Variants in KDM4B observed in about 807,000 individuals in gnomAD.
KDM4B encodes the protein lysine demethylase 4B, also known as lysine-specific demethylase 4B.
A neutral mutation model predicts 125.2 loss-of-function variants in KDM4B; 32 were observed. The observed-to-expected ratio is 0.26, with a 90% CI of 0.19 to 0.34. The LOEUF is 0.34. Among genes scored for constraint, KDM4B ranks in the 10% least tolerant of loss-of-function variants. The pLI is 1.00. For synonymous variants in KDM4B, 721 were observed against 677.9 expected, an observed-to-expected ratio of 1.06 and a Z score of -0.99; for missense variants, 1,190 against 1,577.7, an observed-to-expected ratio of 0.75 and a Z score of 4.16.
At position 4,994,487 on chromosome 19, in the gene KDM4B, C is replaced by T. The variant is rs142129780; in HGVS notation, c.-108-21770C>T. Among the ~76,000 whole-genome samples the T allele has an allele frequency of 6.4e-3, 911 of 141,564 alleles. 9 individuals carry two copies. The highest frequency in any genetic ancestry group is 0.023 in the African/African-American group (875 of 37,904). The allele number at this position is 141,564 out of a possible 152,430, so 92.9% of individuals were successfully genotyped here. A position where few individuals can be genotyped will look rare whatever the true frequency, so the allele number is the denominator to read the frequency against. ...CTGAGGCAGGAGAATCGCTTGAACCCGGGAGGTGGAGATTGCAGTGAGCCA... is the reference window on the plus strand; with the variant it reads ...CTGAGGCAGGAGAATCGCTTGAACCTGGGAGGTGGAGATTGCAGTGAGCCA... On this transcript the variant is annotated intron_variant, in intron 1 of 22. Transcript: ENST00000159111.
Position 5,029,928 on chromosome 19 carries a change from G to T in KDM4B, c.-25-2938G>T, listed in dbSNP as rs553131448. On this transcript the variant is annotated intron_variant, in intron 2 of 22. Coordinates refer to ENST00000159111, the MANE Select transcript of KDM4B (RefSeq NM_015015.3). ...TGCTGAGAGTGGCTCCCGGTGTCAC[G>T]GCTCCACCTTCCAGATGGAAGGGCT... 5.3e-5 allele frequency among the ~76,000 whole-genome samples: 8 copies of T among 152,316 alleles called. No homozygotes were observed. The South Asian group carries it at 1.7e-3, about 32-fold the overall frequency.
intron 9 of KDM4B, among the ~76,000 whole-genome samples, chr19:5,110,406 AG>A (rs143677566): frequency 0.03 from 4,579 of 152,266 alleles, 235 homozygotes; most frequent in African/African-American, 0.1. Context: ...TGAGAGGTCG[AG>A]GCTACAATGA....
intron 7 of KDM4B, 51 bp downstream of exon 7, chr19:5,071,110 C>T: frequency 6.4e-7 from 1 of 1,573,528 alleles, no homozygotes; most frequent in Non-Finnish European, 8.7e-7. Flanking sequence ...GTGGGAGGGG[C>T]CTGTGGGTGG....
At chr19:5,007,383 G>A (rs2035593527) in intron 1 of KDM4B, among the ~76,000 whole-genome samples, 1 of 152,166 alleles carries the variant, frequency 6.6e-6, no homozygotes, top group South Asian at 2.1e-4. Flanking sequence ...TTGGAGAAAT[G>A]TCTGCTCCAT....
chr19:5,062,774 T>TG (rs2037645200), intron 6 of KDM4B, among the ~76,000 whole-genome samples: 1 of 126,744 alleles, frequency 7.9e-6, no homozygotes, highest in Non-Finnish European at 1.7e-5. Context: ...ATAATTAAAC[T>TG]GTTTTTTTTT....
chr19:5,118,946 G>C (rs2039307438), intron 10 of KDM4B, among the ~76,000 whole-genome samples: 1 of 152,222 alleles, frequency 6.6e-6, no homozygotes, highest in Non-Finnish European at 1.5e-5. Flanking sequence ...GCAGGCCCTG[G>C]GGTGTGGGCA....
At chr19:5,016,891 G>A (rs549723316) in intron 2 of KDM4B, among the ~76,000 whole-genome samples, 25 of 152,318 alleles carry the variant, frequency 1.6e-4, no homozygotes, top group African/African-American at 6.0e-4. Context: ...GCAGCCCAGG[G>A]GGACCACTCA....
intron 21 of KDM4B, among the ~76,000 whole-genome samples, chr19:5,147,827 G>A (rs558167069): frequency 3.3e-5 from 5 of 152,210 alleles, no homozygotes; most frequent in African/African-American, 9.6e-5. Flanking sequence ...GGGTGGTATC[G>A]GAAGCCAGCA....
At chr19:5,046,735 A>T (rs2037039161) in intron 5 of KDM4B, among the ~76,000 whole-genome samples, 1 of 152,188 alleles carries the variant, frequency 6.6e-6, no homozygotes, top group South Asian at 2.1e-4. Flanking sequence ...CCTCGGTCAG[A>T]AGCTGTGGAA....
intron 21 of KDM4B, among the ~76,000 whole-genome samples, chr19:5,148,485 C>T (rs571988059): frequency 5.3e-5 from 8 of 152,350 alleles, no homozygotes; most frequent in East Asian, 1.9e-4. Context: ...GTTTCTAGAA[C>T]GCGCCTTCCC....
At position 5,110,729 on chromosome 19, in the gene KDM4B, G is replaced by A; in HGVS notation, c.1026G>A (p.Leu342=). The part of the protein sequence containing the change: ...LWKQGKDLTV[L]DHTRPTALTS... ...AGCAGGGCAAGGACCTCACGGTGCTGGACCACACGCGGCCCACGGCGCTCA... is the reference window on the plus strand; with the variant it reads ...AGCAGGGCAAGGACCTCACGGTGCTAGACCACACGCGGCCCACGGCGCTCA... Residue 342 remains leucine (L), a synonymous_variant, in exon 10 of 23, where the codon CTG becomes CTA. Coordinates refer to ENST00000159111, the MANE Select transcript of KDM4B (RefSeq NM_015015.3). 2 of 1,612,680 alleles carry A rather than the reference G, an allele frequency of 1.2e-6. No individual in the cohort carries two copies. The highest frequency in any genetic ancestry group is 1.1e-5 in the South Asian group (1 of 91,032).
chr19:5,022,448 C>T (rs542106846), intron 2 of KDM4B, among the ~76,000 whole-genome samples: 47 of 152,272 alleles, frequency 3.1e-4, no homozygotes, highest in Middle Eastern at 3.4e-3. Context: ...TGTCTCACCA[C>T]ACTTAGGCCT....
At position 5,071,066 on chromosome 19, in the gene KDM4B, G is replaced by T; in HGVS notation, c.676+7G>T. Reference sequence around the variant, plus strand: ...CTGGAGCGGCTGGCCATCGGTAGGTGCCTGCCCTGAGGGCCCCAGGGACCT... The same window carrying T: ...CTGGAGCGGCTGGCCATCGGTAGGTTCCTGCCCTGAGGGCCCCAGGGACCT... On this transcript the variant is annotated splice_region_variant and intron_variant, in intron 7 of 22. Transcript: ENST00000159111. The T allele has an allele frequency of 6.2e-7, 1 of 1,612,626 alleles. No homozygotes were observed. Among genetic ancestry groups the T allele is most frequent in the East Asian group, 2.2e-5 (1 of 44,866 alleles).
intron 1 of KDM4B, among the ~76,000 whole-genome samples, chr19:5,012,815 G>T (rs1251408291): frequency 7.9e-5 from 12 of 152,216 alleles, no homozygotes; most frequent in Admixed American, 7.8e-4. Flanking sequence ...AGCTGCAGGG[G>T]TTCATCATCC....
At chr19:5,143,429 GT>G (rs754887187) in intron 18 of KDM4B, among the ~76,000 whole-genome samples, 10 of 152,120 alleles carry the variant, frequency 6.6e-5, no homozygotes, top group Non-Finnish European at 1.3e-4. Flanking sequence ...TTCCAGAACA[GT>G]TCATCACCCC....
In KDM4B at chr19:5,135,580, C is replaced by A. The variant is rs992110583; in HGVS notation, c.2308+19C>A. On this transcript the variant is annotated intron_variant, in intron 15 of 22. Coordinates refer to ENST00000159111, the MANE Select transcript of KDM4B (RefSeq NM_015015.3). ...CATGCCAGTGAGTGCCACTGTGGGG[C>A]CCAGAGGAGCTGCGCCCTCCTTCAG... is the stretch of plus-strand genomic sequence containing the variant. The A allele has an allele frequency of 1.9e-6, 3 of 1,563,590 alleles. 1 individual carries two copies. The South Asian group carries it at 3.5e-5, about 18-fold the overall frequency.
At chr19:5,146,948 A>AC (rs2039859670) in intron 21 of KDM4B, among the ~76,000 whole-genome samples, 1 of 150,306 alleles carries the variant, frequency 6.7e-6, no homozygotes, top group South Asian at 2.1e-4. Context: ...CCAAAAAAAA[A>AC]AAAAAAAAAA....
chr19:5,037,831 C>T (rs1337188383), intron 3 of KDM4B, among the ~76,000 whole-genome samples: 1 of 152,258 alleles, frequency 6.6e-6, no homozygotes, highest in Non-Finnish European at 1.5e-5. Context: ...AGTTGAGAGC[C>T]ACCTGCTCGC....
At chr19:4,973,580 G>C (rs1032991341) in intron 1 of KDM4B, among the ~76,000 whole-genome samples, 19 of 152,120 alleles carry the variant, frequency 1.2e-4, no homozygotes, top group African/African-American at 2.9e-4. Flanking sequence ...ATACTGAGGG[G>C]GGAGTGGATT....
Sources: gnomAD v4.1 joint callset for allele counts (sites outside exome capture counted in the v4.1 genomes callset) on GRCh38, gnomAD v4.1.1 for gene constraint, MANE v1.5 for transcripts, NCBI Gene and HGNC (gene_info 2026-07-23, HGNC 2026-07-21) for gene names.